ONECUT2: variants seen among roughly 807,000 people sequenced by gnomAD.
The protein encoded by ONECUT2 is one cut domain family member 2.
A neutral mutation model predicts 27.9 loss-of-function variants in ONECUT2; 10 were observed. The observed-to-expected ratio is 0.36, with a 90% CI of 0.22 to 0.61. The LOEUF is 0.61. ONECUT2 is among the 20% of genes least tolerant of loss of function. The probability of loss-of-function intolerance (pLI) is 0.73; values close to 1 mark genes in which losing one functional copy is unlikely to be tolerated. For synonymous variants in ONECUT2, 334 were observed against 315.1 expected (o/e 1.06, Z -0.64); for missense variants, 686 against 721.0 (o/e 0.95, Z 0.56).
intron 1 of ONECUT2, among the ~76,000 whole-genome samples, chr18:57,437,946 G>A (rs3786485): frequency 0.042 from 6,344 of 152,338 alleles, 394 homozygotes; most frequent in East Asian, 0.31. Flanking sequence ...CCGCGGGGAG[G>A]ACTGGCGGCC....
intron 1 of ONECUT2, among the ~76,000 whole-genome samples, chr18:57,457,049 C>T (rs2050263589): frequency 6.6e-6 from 1 of 152,136 alleles, no homozygotes; most frequent in African/African-American, 2.4e-5. Context: ...GGAGTATATA[C>T]TCATAAGTGG....
At chr18:57,442,875 C>A (rs1332901857) in intron 1 of ONECUT2, among the ~76,000 whole-genome samples, 2 of 152,154 alleles carry the variant, frequency 1.3e-5, no homozygotes, top group Non-Finnish European at 2.9e-5. Context: ...GTAACAGTAC[C>A]CTAGGCCAGT....
In ONECUT2 at chr18:57,484,292, G is replaced by A. The variant is rs1436585825; in HGVS notation, c.*7569G>A. ...ACTTTTTCCATTTGTAATTTTAATC[G>A]TGTTGATGACACCAAAGATACCAAA... is the stretch of plus-strand genomic sequence containing the variant. On this transcript the variant is annotated 3_prime_UTR_variant, in exon 2 of 2. Coordinates refer to ENST00000491143, the MANE Select transcript of ONECUT2 (RefSeq NM_004852.3). 2.6e-5 allele frequency: 4 copies of A among 152,474 alleles called. No individual in the cohort carries two copies. The highest frequency in any genetic ancestry group is 5.9e-5 in the Non-Finnish European group (4 of 68,022). 9.4% of individuals were successfully genotyped at this position (152,474 alleles called of 1,614,324 possible).
At chr18:57,452,189 G>A (rs1363971344) in intron 1 of ONECUT2, among the ~76,000 whole-genome samples, 1 of 152,104 alleles carries the variant, frequency 6.6e-6, no homozygotes, top group Non-Finnish European at 1.5e-5. Flanking sequence ...TTTGTATTGA[G>A]ACTGTTTGTG....
chr18:57,470,567 G>A (rs1337623807), intron 1 of ONECUT2, among the ~76,000 whole-genome samples: 4 of 152,124 alleles, frequency 2.6e-5, no homozygotes, highest in African/African-American at 7.2e-5. Flanking sequence ...GACAACCCTG[G>A]ACTGGACAAA....
Position 57,479,607 on chromosome 18 carries a change from G to A in ONECUT2, c.*2884G>A, listed in dbSNP as rs1380155626. 6.6e-6 allele frequency: 1 copy of A among 152,614 alleles called. No individual in the cohort carries two copies. The highest frequency in any genetic ancestry group is 1.5e-5 in the Non-Finnish European group (1 of 68,032). The allele number at this position is 152,614 out of a possible 1,614,324, so 9.5% of individuals were successfully genotyped here. On this transcript the variant is annotated 3_prime_UTR_variant, in exon 2 of 2. Transcript: ENST00000491143. ...TTAACCTGTTGATAAATGGATCCAT[G>A]GTGTACATGAGTTTTATTTGTATTC...
At chr18:57,476,057 G>A (rs1051995110) in intron 1 of ONECUT2, among the ~76,000 whole-genome samples, 3 of 152,018 alleles carry the variant, frequency 2.0e-5, no homozygotes, top group Non-Finnish European at 2.9e-5. Context: ...GAATATGAAA[G>A]AGGAACTGCC....
rs673939 is a variant in ONECUT2 at position 57,486,034 on chromosome 18, T to C, written c.*9311T>C. 59,294 of 152,428 alleles carry C rather than the reference T, an allele frequency of 0.39. 12,074 individuals are homozygous for C. The highest frequency in any genetic ancestry group is 0.48 in the East Asian group (2,500 of 5,162). 9.4% of individuals were successfully genotyped at this position (152,428 alleles called of 1,614,324 possible). On this transcript the variant is annotated 3_prime_UTR_variant, in exon 2 of 2. Coordinates refer to ENST00000491143, the MANE Select transcript of ONECUT2 (RefSeq NM_004852.3). ...ATTGAGCAGCAGAGCTCCCTATAAG[T>C]GAACATCACCTTCCCCATCTTTCCT...
At chr18:57,437,825 G>A (rs527679084) in intron 1 of ONECUT2, among the ~76,000 whole-genome samples, 1 of 152,246 alleles carries the variant, frequency 6.6e-6, no homozygotes, top group Non-Finnish European at 1.5e-5. Flanking sequence ...CTGAGCACTC[G>A]CAGGAAGAGG....
At chr18:57,468,983 G>C (rs2050338922) in intron 1 of ONECUT2, among the ~76,000 whole-genome samples, 1 of 152,170 alleles carries the variant, frequency 6.6e-6, no homozygotes. Context: ...CACCAGTTCA[G>C]AGCAGGGAAG....
chr18:57,436,379 C>T lies in ONECUT2; in HGVS notation c.663C>T (p.Ser221=), dbSNP rs1280688200. ...YSPYKEMPGM[S]QSLSPLAATP... is the part of the protein sequence containing the mutation. ...CCTACAAGGAGATGCCCGGCATGAG[C>T]CAGAGCCTGTCCCCGCTGGCCGCCA... Residue 221 remains serine (S), a synonymous_variant, in exon 1 of 2, where the codon AGC becomes AGT. Transcript: ENST00000491143. The surrounding 1 kb of genome is among the most constrained non-coding windows in gnomAD (Gnocchi z 5.9). 6.2e-7 allele frequency: 1 copy of T among 1,608,742 alleles called. No individual in the cohort carries two copies. Among genetic ancestry groups the T allele is most frequent in the Non-Finnish European group, 8.5e-7 (1 of 1,179,832 alleles).
At chr18:57,466,525 G>A (rs1167784385) in intron 1 of ONECUT2, among the ~76,000 whole-genome samples, 7 of 152,248 alleles carry the variant, frequency 4.6e-5, no homozygotes, top group Admixed American at 4.6e-4. Context: ...TTCCTGGATG[G>A]CTTACAGGAA....
At position 57,484,093 on chromosome 18, in the gene ONECUT2, A is replaced by T. The variant is rs954029472; in HGVS notation, c.*7370A>T. 6.6e-6 allele frequency: 1 copy of T among 150,912 alleles called. No individual in the cohort carries two copies. The highest frequency in any genetic ancestry group is 2.5e-5 in the African/African-American group (1 of 39,910). The allele number at this position is 150,912 out of a possible 1,614,324, so 9.3% of individuals were successfully genotyped here. ...TACAGAAACTGGAAAAATAAATTTT[A>T]AAAAAATCGTAAACAAAAAGAGAGA... is the stretch of plus-strand genomic sequence containing the variant. On this transcript the variant is annotated 3_prime_UTR_variant, in exon 2 of 2. Coordinates refer to ENST00000491143, the MANE Select transcript of ONECUT2 (RefSeq NM_004852.3).
chr18:57,437,017 T>TGC, intron 1 of ONECUT2, 73 bp downstream of exon 1: 1 of 1,491,024 alleles, frequency 6.7e-7, no homozygotes, highest in Non-Finnish European at 8.9e-7. Context: ...GGCCCAAGTC[T>TGC]GCGCGCCGAG....
chr18:57,445,804 C>A (rs1210799614), intron 1 of ONECUT2, among the ~76,000 whole-genome samples: 2 of 152,230 alleles, frequency 1.3e-5, no homozygotes, highest in East Asian at 1.9e-4. Context: ...CAACTTGGAT[C>A]ACTTGTTTAA....
chr18:57,459,514 T>G (rs1446613220), intron 1 of ONECUT2, among the ~76,000 whole-genome samples: 1 of 152,248 alleles, frequency 6.6e-6, no homozygotes, highest in South Asian at 2.1e-4. Context: ...TTTTGAAACT[T>G]AATAAGGCTT....
intron 1 of ONECUT2, among the ~76,000 whole-genome samples, chr18:57,441,005 A>T (rs1254281150): frequency 6.6e-6 from 1 of 152,166 alleles, no homozygotes; most frequent in Admixed American, 6.5e-5. Context: ...TGCCGGGAGA[A>T]CACCTTCCCA....
intron 1 of ONECUT2, among the ~76,000 whole-genome samples, chr18:57,471,096 A>T (rs1011001873): frequency 6.6e-6 from 1 of 152,102 alleles, no homozygotes; most frequent in Non-Finnish European, 1.5e-5. Flanking sequence ...GTCCTCCATG[A>T]TGTTCTCCAG....
chr18:57,459,603 G>C lies in ONECUT2; in HGVS notation c.1229-16834G>C, dbSNP rs554243950. The stretch of plus-strand genomic sequence containing the variant: ...ACAGAGTTTCACTCTTGTCGCCCAG[G>C]CTGAGTCCAATGGTGGTGCAATCTT... On this transcript the variant is annotated intron_variant, in intron 1 of 1. Transcript: ENST00000491143. 1.3e-4 allele frequency among the ~76,000 whole-genome samples: 20 copies of C among 152,184 alleles called. No homozygotes were observed. The South Asian group carries it at 4.0e-3, about 30-fold the overall frequency.
Sources: allele counts gnomAD v4.1 joint callset (sites outside exome capture counted in the v4.1 genomes callset), GRCh38; gene constraint gnomAD v4.1.1; non-coding constraint Gnocchi (gnomAD v3.1); transcripts MANE v1.5; gene names NCBI Gene and HGNC (gene_info 2026-07-23, HGNC 2026-07-21).